The following PPP1R1C variants were observed in gnomAD, a reference collection of about 807,000 sequenced individuals.
PPP1R1C encodes protein phosphatase 1 regulatory inhibitor subunit 1C, also known as protein phosphatase 1 regulatory subunit 1C.
In PPP1R1C, 15 loss-of-function variants were observed where a neutral mutation model predicts 17.4. The observed-to-expected ratio is 0.86, with a 90% CI of 0.58 to 1.33. The LOEUF is 1.33. Among genes scored for constraint, PPP1R1C ranks in the 40% most tolerant of loss-of-function variants. The pLI, the probability that PPP1R1C is intolerant of heterozygous loss-of-function variation, is 0.00. For missense variants in PPP1R1C, 143 were observed against 130.0 expected, an observed-to-expected ratio of 1.10 and a Z score of -0.48; for synonymous variants, 35 against 43.1, an observed-to-expected ratio of 0.81 and a Z score of 0.73.
At chr2:182,088,022 C>A (rs1277788105) in intron 4 of PPP1R1C, among the ~76,000 whole-genome samples, 2 of 152,074 alleles carry the variant, frequency 1.3e-5, no homozygotes, top group Non-Finnish European at 2.9e-5. Flanking sequence ...GAAGAATGAT[C>A]TCTTGCTGGC....
intron 4 of PPP1R1C, among the ~76,000 whole-genome samples, chr2:182,112,728 C>T (rs1006021296): frequency 3.3e-5 from 5 of 152,098 alleles, no homozygotes; most frequent in African/African-American, 1.2e-4. Flanking sequence ...TGAGATTCTG[C>T]TGAAAACTAT....
chr2:182,106,133 A>G (rs1001298351), intron 4 of PPP1R1C, among the ~76,000 whole-genome samples: 7 of 152,148 alleles, frequency 4.6e-5, no homozygotes, highest in Non-Finnish European at 1.0e-4. Flanking sequence ...TTTTTTAAGG[A>G]TACAATTGAT....
At chr2:181,956,189 G>T (rs993417927) in intron 1 of PPP1R1C, among the ~76,000 whole-genome samples, 1 of 152,126 alleles carries the variant, frequency 6.6e-6, no homozygotes, top group Non-Finnish European at 1.5e-5. Flanking sequence ...GAGAATGATG[G>T]TTTCCAGCTT....
intron 4 of PPP1R1C, among the ~76,000 whole-genome samples, chr2:182,108,407 G>C: frequency 6.6e-6 from 1 of 151,546 alleles, no homozygotes; most frequent in East Asian, 1.9e-4. Context: ...CTTAATGTTG[G>C]AGTACTCCAG....
At chr2:182,049,419 T>C (rs980269730) in intron 2 of PPP1R1C, among the ~76,000 whole-genome samples, 1 of 151,900 alleles carries the variant, frequency 6.6e-6, no homozygotes, top group Non-Finnish European at 1.5e-5. Flanking sequence ...TCTACACAAT[T>C]ATTTTTTTCC....
intron 1 of PPP1R1C, among the ~76,000 whole-genome samples, chr2:181,973,135 A>G (rs1387705313): frequency 2.0e-5 from 3 of 152,182 alleles, no homozygotes; most frequent in African/African-American, 7.2e-5. Context: ...ATCAGTAAGC[A>G]TCTTTGACTC....
At chr2:182,104,538 A>C (rs1359791495) in intron 4 of PPP1R1C, among the ~76,000 whole-genome samples, 1 of 152,236 alleles carries the variant, frequency 6.6e-6, no homozygotes, top group African/African-American at 2.4e-5. Context: ...CATCCCAGGC[A>C]TAAATCCCAG....
At chr2:182,109,813 C>G (rs1362295788) in intron 4 of PPP1R1C, among the ~76,000 whole-genome samples, 1 of 152,122 alleles carries the variant, frequency 6.6e-6, no homozygotes, top group East Asian at 1.9e-4. Context: ...AAGTTCCCAC[C>G]TTAGCTGCTG....
At chr2:181,974,505 A>G (rs189624784) in intron 1 of PPP1R1C, among the ~76,000 whole-genome samples, 5 of 152,354 alleles carry the variant, frequency 3.3e-5, no homozygotes, top group African/African-American at 1.2e-4. Flanking sequence ...AAAGACTGTG[A>G]TCATACTCCC....
chr2:182,088,615 A>G lies in PPP1R1C; in HGVS notation c.241+24824A>G, dbSNP rs116560140. Among the ~76,000 whole-genome samples the G allele has an allele frequency of 6.5e-3, 996 of 152,242 alleles. 10 individuals carry two copies. Among genetic ancestry groups the G allele is most frequent in the African/African-American group, 0.023 (955 of 41,540 alleles). ...GTTGGTGACTTCCATGACTAGTAAGAGTTTGGCAGTGAGGCAAGGCTAATG... is the reference window on the plus strand; with the variant it reads ...GTTGGTGACTTCCATGACTAGTAAGGGTTTGGCAGTGAGGCAAGGCTAATG... On this transcript the variant is annotated intron_variant, in intron 4 of 4. Coordinates refer to ENST00000682840, the MANE Select transcript of PPP1R1C (RefSeq NM_001080545.3).
chr2:182,108,359 A>G (rs769821201), intron 4 of PPP1R1C, among the ~76,000 whole-genome samples: 12 of 152,100 alleles, frequency 7.9e-5, no homozygotes, highest in Middle Eastern at 6.8e-3. Context: ...ACTCCTGGAC[A>G]GTCTTCTTTT....
intron 2 of PPP1R1C, among the ~76,000 whole-genome samples, chr2:182,036,500 T>A (rs1027289078): frequency 6.6e-6 from 1 of 152,234 alleles, no homozygotes; most frequent in Non-Finnish European, 1.5e-5. Context: ...ACAGGTATAC[T>A]AATACTTAAT....
intron 2 of PPP1R1C, among the ~76,000 whole-genome samples, chr2:182,036,306 G>A (rs961662710): frequency 6.6e-6 from 1 of 152,148 alleles, no homozygotes; most frequent in Non-Finnish European, 1.5e-5. Flanking sequence ...AATGGAGGCT[G>A]ATAATAACCA....
Position 181,967,870 on chromosome 2 carries a change from C to T in PPP1R1C, n.112-7349C>T, listed in dbSNP as rs1210136516. 2.6e-5 allele frequency among the ~76,000 whole-genome samples: 4 copies of T among 152,140 alleles called. No homozygotes were observed. Among genetic ancestry groups the T allele is most frequent in the Admixed American group, 2.0e-4 (3 of 15,276 alleles). On this transcript the variant is annotated intron_variant and non_coding_transcript_variant, in intron 1 of 5. Transcript: ENST00000464264. The surrounding 1 kb of genome is among the most constrained non-coding windows in gnomAD (Gnocchi z 5.5). ...AGCTGGGATTACAGGCACGAGCCAC[C>T]ATGCCTGGCTAATTTTGTGTTTTTA...
chr2:182,077,866 A>G (rs1437366447), intron 4 of PPP1R1C, among the ~76,000 whole-genome samples: 1 of 152,196 alleles, frequency 6.6e-6, no homozygotes, highest in African/African-American at 2.4e-5. Context: ...TAAAAAGTAC[A>G]AGTAGAAAAT....
intron 2 of PPP1R1C, among the ~76,000 whole-genome samples, chr2:181,988,440 G>A (rs1448098072): frequency 1.3e-5 from 2 of 152,194 alleles, no homozygotes; most frequent in Admixed American, 1.3e-4. Flanking sequence ...GAATCCATTT[G>A]TTGAGGTTTT....
chr2:182,052,906 G>GAAA lies in PPP1R1C; in HGVS notation c.143-8529_143-8527dup, dbSNP rs35486712. 5.3e-5 allele frequency among the ~76,000 whole-genome samples: 8 copies of GAAA among 150,958 alleles called. 2 individuals are homozygous for GAAA. Among genetic ancestry groups the GAAA allele is most frequent in the African/African-American group, 1.9e-4 (8 of 41,186 alleles). On this transcript the variant is annotated intron_variant, in intron 2 of 4. Coordinates refer to ENST00000682840, the MANE Select transcript of PPP1R1C (RefSeq NM_001080545.3). ...AATAGCTCCCAAATGAGTGAGCCAA[G>GAAA]AAAAAAAAATCGTATGTTTGAATTC... is the stretch of plus-strand genomic sequence containing the variant.
intron 2 of PPP1R1C, among the ~76,000 whole-genome samples, chr2:182,020,479 A>G (rs1430826569): frequency 6.6e-6 from 1 of 152,168 alleles, no homozygotes; most frequent in Non-Finnish European, 1.5e-5. Flanking sequence ...CGTTTGCAGA[A>G]GCCTAGAGTA....
At chr2:182,076,815 A>G (rs1402961945) in intron 4 of PPP1R1C, among the ~76,000 whole-genome samples, 2 of 152,214 alleles carry the variant, frequency 1.3e-5, no homozygotes. Flanking sequence ...TGGATTTTAA[A>G]TAACACATCT....
Sources: allele counts gnomAD v4.1 joint callset (sites outside exome capture counted in the v4.1 genomes callset), GRCh38; gene constraint gnomAD v4.1.1; non-coding constraint Gnocchi (gnomAD v3.1); transcripts MANE v1.5; gene names NCBI Gene and HGNC (gene_info 2026-07-23, HGNC 2026-07-21).